The following ZNRF2 variants were observed in gnomAD, a reference collection of about 807,000 sequenced individuals.
ZNRF2 encodes E3 ubiquitin-protein ligase ZNRF2.
A neutral mutation model predicts 20.4 loss-of-function variants in ZNRF2; 16 were observed. The observed-to-expected ratio is 0.79, with a 90% CI of 0.53 to 1.19. The LOEUF is 1.19. Among genes scored for constraint, ZNRF2 ranks in the 50% most tolerant of loss-of-function variants. ZNRF2 has a pLI of 0.00. For missense variants in ZNRF2, 363 were observed against 332.4 expected, an observed-to-expected ratio of 1.09 and a Z score of -0.72; for synonymous variants, 178 against 144.9, an observed-to-expected ratio of 1.23 and a Z score of -1.64.
At chr7:30,352,581 GT>G (rs1347697462) in intron 2 of ZNRF2, among the ~76,000 whole-genome samples, 1 of 152,028 alleles carries the variant, frequency 6.6e-6, no homozygotes, top group African/African-American at 2.4e-5. Flanking sequence ...AAAGCAACAT[GT>G]TTAGTTCCCT....
chr7:30,321,774 A>G (rs980969585), intron 1 of ZNRF2, among the ~76,000 whole-genome samples: 3 of 152,130 alleles, frequency 2.0e-5, no homozygotes, highest in East Asian at 3.8e-4. Flanking sequence ...TCTTTAGTTG[A>G]TGCTTAAAAT....
intron 2 of ZNRF2, among the ~76,000 whole-genome samples, chr7:30,332,493 ATAGGTAGTTTT>A (rs1192666535): frequency 6.6e-6 from 1 of 152,156 alleles, no homozygotes; most frequent in Non-Finnish European, 1.5e-5. Context: ...ATAGTACCTA[ATAGGTAGTTTT>A]TCAACCCTTG....
chr7:30,309,491 C>A (rs1799257815), intron 1 of ZNRF2, among the ~76,000 whole-genome samples: 1 of 152,152 alleles, frequency 6.6e-6, no homozygotes, highest in African/African-American at 2.4e-5. Context: ...TTTGAAAACC[C>A]AGACATACAA....
In ZNRF2 at chr7:30,285,653, C is replaced by G; in HGVS notation, c.296C>G (p.Ser99Cys). Reference protein sequence around the residue: ...SVASGARAAQSPFSIPNSSSG... With the variant: ...SVASGARAAQCPFSIPNSSSG... ...GCGTCGGGGGCCCGCGCGGCGCAGTCCCCCTTCAGCATCCCGAACAGCAGC... is the reference window on the plus strand; with the variant it reads ...GCGTCGGGGGCCCGCGCGGCGCAGTGCCCCTTCAGCATCCCGAACAGCAGC... Residue 99 changes from serine to cysteine, a missense_variant, in exon 1 of 5, where the codon TCC becomes TGC. Physicochemically the swap from Ser to Cys is moderately radical, Grantham distance 112. Around this residue, in one of 2 missense-constraint regions of ZNRF2, gnomAD observed 302 missense variants for 231.5 expected, o/e 1.30. Transcript: ENST00000323037. The G allele has an allele frequency of 7.3e-7, 1 of 1,373,724 alleles. No homozygotes were observed. The allele number at this position is 1,373,724 out of a possible 1,614,324, so 85.1% of individuals were successfully genotyped here. A position where few individuals can be genotyped will look rare whatever the true frequency, so the allele number is the denominator to read the frequency against.
chr7:30,356,867 G>A lies in ZNRF2; in HGVS notation c.671+1034G>A, dbSNP rs369779109. On this transcript the variant is annotated intron_variant, in intron 3 of 4. Transcript: ENST00000323037. ...ACTACAGGCGCCTGCCACCATGCCC[G>A]GCTAATTTTTTATATTTTTAGTAGA... Among the ~76,000 whole-genome samples the A allele has an allele frequency of 1.8e-4, 28 of 151,898 alleles. 1 individual carries two copies. In the East Asian group the frequency reaches 2.9e-3, roughly 16 times the overall value.
chr7:30,330,020 A>T (rs1799612734), intron 2 of ZNRF2, among the ~76,000 whole-genome samples: 1 of 152,184 alleles, frequency 6.6e-6, no homozygotes. Flanking sequence ...ATCATATCTT[A>T]TTGTAGCTTT....
chr7:30,350,261 AT>A (rs1799942707), intron 2 of ZNRF2, among the ~76,000 whole-genome samples: 1 of 152,030 alleles, frequency 6.6e-6, no homozygotes, highest in Admixed American at 6.6e-5. Flanking sequence ...TTTCCAGAAT[AT>A]TCCCAAGAGT....
chr7:30,299,343 C>T (rs1473245398), intron 1 of ZNRF2, among the ~76,000 whole-genome samples: 2 of 151,324 alleles, frequency 1.3e-5, no homozygotes, highest in South Asian at 2.1e-4. Context: ...TGCTTGAACC[C>T]GGGAGGCGGA....
At chr7:30,304,377 CTG>C (rs1204939844) in intron 1 of ZNRF2, among the ~76,000 whole-genome samples, 1 of 152,120 alleles carries the variant, frequency 6.6e-6, no homozygotes, top group Non-Finnish European at 1.5e-5. Flanking sequence ...GAAATGCAAA[CTG>C]AAGTAGTAAT....
chr7:30,309,408 T>C (rs1799256475), intron 1 of ZNRF2, among the ~76,000 whole-genome samples: 1 of 152,198 alleles, frequency 6.6e-6, no homozygotes, highest in African/African-American at 2.4e-5. Context: ...GCATGTATAA[T>C]GATGATGTCC....
Position 30,293,588 on chromosome 7 carries a change from A to T in ZNRF2, c.469+7762A>T, listed in dbSNP as rs562003147. Reference sequence around the variant, plus strand: ...CGACATGGGATTGCCAGAAACAAAGATACACTTTTGTTCAAGGCATTGGAT... The same window carrying T: ...CGACATGGGATTGCCAGAAACAAAGTTACACTTTTGTTCAAGGCATTGGAT... On this transcript the variant is annotated intron_variant, in intron 1 of 4. Coordinates refer to ENST00000323037, the MANE Select transcript of ZNRF2 (RefSeq NM_147128.4). Among the ~76,000 whole-genome samples, 51 of 152,158 alleles carry T rather than the reference A, an allele frequency of 3.4e-4. 1 individual carries two copies. The highest frequency in any genetic ancestry group is 5.9e-4 in the Non-Finnish European group (40 of 68,038).
At chr7:30,308,331 C>T (rs1234146065) in intron 1 of ZNRF2, among the ~76,000 whole-genome samples, 2 of 152,020 alleles carry the variant, frequency 1.3e-5, no homozygotes, top group Non-Finnish European at 2.9e-5. Flanking sequence ...TGTTTGTTTC[C>T]ATTTTGCCAT....
intron 1 of ZNRF2, among the ~76,000 whole-genome samples, chr7:30,288,314 T>C (rs1325948771): frequency 1.3e-5 from 2 of 152,202 alleles, no homozygotes; most frequent in Non-Finnish European, 2.9e-5. Context: ...AGTGGAAAGT[T>C]CGTATTGTTT....
chr7:30,307,966 A>G (rs1351332086), intron 1 of ZNRF2, among the ~76,000 whole-genome samples: 1 of 152,156 alleles, frequency 6.6e-6, no homozygotes, highest in Non-Finnish European at 1.5e-5. Context: ...TTAGAAAATG[A>G]ATACCAATGC....
chr7:30,357,028 C>T (rs1800051694), intron 3 of ZNRF2, among the ~76,000 whole-genome samples: 1 of 152,000 alleles, frequency 6.6e-6, no homozygotes, highest in Non-Finnish European at 1.5e-5. Flanking sequence ...TTTATAAAAC[C>T]CTCAGACGAA....
intron 2 of ZNRF2, among the ~76,000 whole-genome samples, chr7:30,341,380 A>G (rs1261536904): frequency 6.6e-6 from 1 of 152,142 alleles, no homozygotes; most frequent in Non-Finnish European, 1.5e-5. Context: ...TTTTAGTGCT[A>G]TAAATTTCCC....
At chr7:30,336,631 T>G (rs906591613) in intron 2 of ZNRF2, among the ~76,000 whole-genome samples, 2 of 152,164 alleles carry the variant, frequency 1.3e-5, no homozygotes, top group Non-Finnish European at 2.9e-5. Context: ...ACTTTTTCTT[T>G]GATTCAGAGA....
At chr7:30,297,956 C>G (rs1449540046) in intron 1 of ZNRF2, among the ~76,000 whole-genome samples, 2 of 152,026 alleles carry the variant, frequency 1.3e-5, no homozygotes, top group African/African-American at 4.8e-5. Flanking sequence ...CCTTGAACTC[C>G]TGGGCTCAAG....
chr7:30,320,590 G>T (rs1799453859), intron 1 of ZNRF2, among the ~76,000 whole-genome samples: 1 of 152,050 alleles, frequency 6.6e-6, no homozygotes, highest in South Asian at 2.1e-4. Context: ...ACTCGGTGGT[G>T]CTGAGCCAAA....
Sources: gnomAD v4.1 joint callset for allele counts (sites outside exome capture counted in the v4.1 genomes callset) on GRCh38, gnomAD v4.1.1 for gene constraint, gnomAD v4.1.1 regional missense constraint, MANE v1.5 for transcripts, NCBI Gene and HGNC (gene_info 2026-07-23, HGNC 2026-07-21) for gene names.